The following ROBO2 variants were observed in gnomAD, a reference collection of about 807,000 sequenced individuals.
ROBO2 encodes roundabout homolog 2.
ROBO2 carries 53 observed loss-of-function variants against 160.8 expected under a neutral mutation model. That is an observed-to-expected ratio of 0.33 (90% CI 0.26 to 0.41). ROBO2 has a LOEUF of 0.41. ROBO2 is among the 10% of genes least tolerant of loss of function. ROBO2 has a pLI of 1.00. For synonymous variants in ROBO2, 664 were observed against 611.7 expected (o/e 1.09, Z -1.26); for missense variants, 1,577 against 1,722.4 (o/e 0.92, Z 1.49).
intron 2 of ROBO2, among the ~76,000 whole-genome samples, chr3:77,134,370 T>C (rs1278891873): frequency 6.6e-6 from 1 of 152,222 alleles, no homozygotes; most frequent in Admixed American, 6.5e-5. Context: ...CAAAGCATTC[T>C]TGAAAAATTT....
intron 2 of ROBO2, among the ~76,000 whole-genome samples, chr3:76,881,785 A>G (rs995111645): frequency 2.0e-5 from 3 of 152,210 alleles, no homozygotes; most frequent in East Asian, 3.8e-4. Context: ...GGGCCCTGTG[A>G]TTATGGCCTT....
rs543853412 is a variant in ROBO2, at chr3:76,723,385, GA to G, written c.110-374622del. On this transcript the variant is annotated intron_variant, in intron 2 of 26. Transcript: ENST00000487694. ...ATATGAGTAGTGCACCATCTTTGGG[GA>G]AAAAAATCCATAAACATAAGTGACA... is the stretch of plus-strand genomic sequence containing the variant. Among the ~76,000 whole-genome samples the G allele has an allele frequency of 4.3e-4, 65 of 152,140 alleles. No individual in the cohort carries two copies. In the East Asian group the frequency reaches 7.9e-3, roughly 19 times the overall value.
chr3:76,224,368 G>A lies in ROBO2; in HGVS notation c.109+286766G>A, dbSNP rs367614659. On this transcript the variant is annotated intron_variant, in intron 2 of 26. Transcript: ENST00000487694. The stretch of plus-strand genomic sequence containing the variant: ...ACTTAAGAGGATATGAGGCAGAGGC[G>A]TTGGTGTCTAAGTCTCCAAGAACTG... Among the ~76,000 whole-genome samples the A allele has an allele frequency of 1.2e-4, 19 of 152,186 alleles. No homozygotes were observed. In the East Asian group the frequency reaches 2.1e-3, roughly 17 times the overall value.
intron 2 of ROBO2, among the ~76,000 whole-genome samples, chr3:77,422,956 A>G (rs77361788): frequency 0.027 from 4,168 of 152,250 alleles, 89 homozygotes; most frequent in East Asian, 0.077. Context: ...ATTGTTTACC[A>G]ATTCCCTTAT....
chr3:76,366,343 A>G (rs1468960291), intron 2 of ROBO2, among the ~76,000 whole-genome samples: 1 of 151,946 alleles, frequency 6.6e-6, no homozygotes, highest in Non-Finnish European at 1.5e-5. Context: ...TCTCTACTCT[A>G]TATTTTCACC....
At chr3:76,138,768 T>G (rs7648349) in intron 2 of ROBO2, among the ~76,000 whole-genome samples, 61,645 of 151,986 alleles carry the variant, frequency 0.41, 12,635 homozygotes, top group East Asian at 0.46. Context: ...AAATTTCCTT[T>G]TAATAGTTTA....
chr3:76,477,377 G>T (rs890098887), intron 2 of ROBO2, among the ~76,000 whole-genome samples: 2 of 152,076 alleles, frequency 1.3e-5, no homozygotes, highest in African/African-American at 2.4e-5. Flanking sequence ...ATATTTTTAT[G>T]ATTAAACAGC....
At chr3:76,987,477 G>C (rs1421499248) in intron 2 of ROBO2, among the ~76,000 whole-genome samples, 1 of 152,006 alleles carries the variant, frequency 6.6e-6, no homozygotes, top group African/African-American at 2.4e-5. Context: ...GTATTCACTT[G>C]GTCCTATTTC....
At chr3:76,232,725 A>AGATT (rs576114155) in intron 2 of ROBO2, among the ~76,000 whole-genome samples, 155 of 152,332 alleles carry the variant, frequency 1.0e-3, no homozygotes, top group African/African-American at 3.5e-3. Context: ...TCATGATCAC[A>AGATT]GATTACAGCC....
chr3:76,467,628 A>G (rs1015422409), intron 2 of ROBO2, among the ~76,000 whole-genome samples: 11 of 152,130 alleles, frequency 7.2e-5, no homozygotes, highest in Non-Finnish European at 1.6e-4. Context: ...AATGACCCTG[A>G]TAGCTGTAAG....
chr3:76,001,220 A>G (rs1429230913), intron 2 of ROBO2, among the ~76,000 whole-genome samples: 1 of 152,172 alleles, frequency 6.6e-6, no homozygotes, highest in African/African-American at 2.4e-5. Context: ...TACCTGAACA[A>G]TTTAAGGGCT....
intron 2 of ROBO2, among the ~76,000 whole-genome samples, chr3:76,553,694 T>C (rs2083546671): frequency 6.6e-6 from 1 of 152,212 alleles, no homozygotes; most frequent in South Asian, 2.1e-4. Context: ...TGTACATTTC[T>C]TTCCTTAAGA....
intron 2 of ROBO2, among the ~76,000 whole-genome samples, chr3:77,416,558 A>G (rs1177673657): frequency 6.6e-6 from 1 of 151,882 alleles, no homozygotes; most frequent in Non-Finnish European, 1.5e-5. Context: ...CACTACTAAA[A>G]ATACAAAAAT....
At position 76,582,500 on chromosome 3, in the gene ROBO2, T is replaced by C. The variant is rs569699920; in HGVS notation, c.110-515514T>C. Among the ~76,000 whole-genome samples the C allele has an allele frequency of 2.6e-5, 4 of 152,298 alleles. No homozygotes were observed. In the South Asian group the frequency reaches 6.2e-4, roughly 24 times the overall value. Reference sequence around the variant, plus strand: ...TACACATAGATTATGATGTTACTTGTAGTAAATTTTAAAAATCTTTCTCCC... The same window carrying C: ...TACACATAGATTATGATGTTACTTGCAGTAAATTTTAAAAATCTTTCTCCC... On this transcript the variant is annotated intron_variant, in intron 2 of 26. Transcript: ENST00000487694.
In ROBO2 at chr3:76,936,113, G is replaced by A. The variant is rs542839695; in HGVS notation, c.110-161901G>A. 2.0e-5 allele frequency among the ~76,000 whole-genome samples: 3 copies of A among 151,942 alleles called. No homozygotes were observed. The East Asian group carries it at 5.8e-4, about 29-fold the overall frequency. ...AAGTGATTTTGTGTCCTTCTTATGT[G>A]TACTATTAAGATGCATATTATGTTC... On this transcript the variant is annotated intron_variant, in intron 2 of 26. Transcript: ENST00000487694.
intron 2 of ROBO2, among the ~76,000 whole-genome samples, chr3:76,930,158 G>T (rs1292927903): frequency 2.0e-5 from 3 of 152,028 alleles, no homozygotes; most frequent in Non-Finnish European, 4.4e-5. Context: ...CCTGGTAGTG[G>T]GACTACAGGC....
intron 5 of ROBO2, among the ~76,000 whole-genome samples, chr3:77,502,682 AAAAAT>A (rs1190188541): frequency 1.2e-4 from 18 of 152,318 alleles, no homozygotes; most frequent in Middle Eastern, 3.4e-3. Context: ...AAGCAACAAT[AAAAAT>A]AATAGAAATA....
intron 2 of ROBO2, among the ~76,000 whole-genome samples, chr3:77,346,590 A>G (rs940873210): frequency 9.9e-5 from 15 of 152,142 alleles, no homozygotes; most frequent in Admixed American, 2.6e-4. Flanking sequence ...CAGTAGGTTC[A>G]CATTCCCGGA....
chr3:76,959,383 C>G (rs576928075), intron 2 of ROBO2, among the ~76,000 whole-genome samples: 1 of 152,106 alleles, frequency 6.6e-6, no homozygotes, highest in Non-Finnish European at 1.5e-5. Flanking sequence ...TGGCAAAATT[C>G]GGAACTGTCT....
Sources: allele counts gnomAD v4.1 joint callset (sites outside exome capture counted in the v4.1 genomes callset), GRCh38; gene constraint gnomAD v4.1.1; transcripts MANE v1.5; gene names NCBI Gene and HGNC (gene_info 2026-07-23, HGNC 2026-07-21).